Variants in SH3GL2 observed in about 807,000 individuals in gnomAD.
SH3GL2 encodes endophilin-A1.
In SH3GL2, 24 loss-of-function variants were observed where a neutral mutation model predicts 46.0. That is an observed-to-expected ratio of 0.52 (90% CI 0.38 to 0.73). The LOEUF is 0.73. Ranked by LOEUF, SH3GL2 falls within the 30% of genes least tolerant of loss-of-function variation. The pLI, the probability that SH3GL2 is intolerant of heterozygous loss-of-function variation, is 0.00. For missense variants in SH3GL2, 413 were observed against 424.2 expected, an observed-to-expected ratio of 0.97 and a Z score of 0.23; for synonymous variants, 196 against 147.1, an observed-to-expected ratio of 1.33 and a Z score of -2.40.
At chr9:17,706,583 C>T (rs748403460) in intron 1 of SH3GL2, among the ~76,000 whole-genome samples, 35 of 152,124 alleles carry the variant, frequency 2.3e-4, no homozygotes, top group Admixed American at 1.3e-3. Context: ...GAATGTTGTA[C>T]GTGTAATCTT....
intron 2 of SH3GL2, among the ~76,000 whole-genome samples, chr9:17,757,937 G>C (rs1450855593): frequency 6.6e-6 from 1 of 152,134 alleles, no homozygotes; most frequent in Non-Finnish European, 1.5e-5. Context: ...GCTTGTCTCT[G>C]GCTGACACAG....
intron 3 of SH3GL2, among the ~76,000 whole-genome samples, chr9:17,763,645 G>C (rs982758768): frequency 1.3e-5 from 2 of 152,178 alleles, no homozygotes; most frequent in African/African-American, 4.8e-5. Context: ...AACTGTGAGG[G>C]AATCAATTCT....
chr9:17,745,660 G>A (rs540440135), intron 1 of SH3GL2, among the ~76,000 whole-genome samples: 1 of 146,492 alleles, frequency 6.8e-6, no homozygotes, highest in East Asian at 1.9e-4. Context: ...GTGAAGGACA[G>A]ATAGAGGGGG....
chr9:17,672,543 T>C (rs1317054383), intron 1 of SH3GL2, among the ~76,000 whole-genome samples: 1 of 152,112 alleles, frequency 6.6e-6, no homozygotes, highest in African/African-American at 2.4e-5. Context: ...AAGCTTTAGT[T>C]TAGTGAATGT....
chr9:17,789,368 T>C (rs1283302335), intron 5 of SH3GL2, 24 bp from the exon 6 acceptor site: 1 of 1,608,870 alleles, frequency 6.2e-7, no homozygotes, highest in Non-Finnish European at 8.5e-7. Flanking sequence ...TTTCAAAGCC[T>C]ATTCCTGCCC....
At chr9:17,632,903 T>A (rs1011549623) in intron 1 of SH3GL2, among the ~76,000 whole-genome samples, 1 of 152,222 alleles carries the variant, frequency 6.6e-6, no homozygotes, top group Non-Finnish European at 1.5e-5. Context: ...ATTGTGGTGT[T>A]TTATTACTTG....
intron 1 of SH3GL2, among the ~76,000 whole-genome samples, chr9:17,650,756 A>T (rs1223944423): frequency 6.6e-6 from 1 of 152,216 alleles, no homozygotes; most frequent in African/African-American, 2.4e-5. Flanking sequence ...AGTCTTTCCT[A>T]TTGTGAACAT....
intron 1 of SH3GL2, among the ~76,000 whole-genome samples, chr9:17,608,081 C>T (rs767749864): frequency 3.7e-4 from 56 of 150,900 alleles, no homozygotes; most frequent in Non-Finnish European, 7.2e-4. Flanking sequence ...TATATATAAA[C>T]AAGTGAGGAA....
At chr9:17,598,317 C>T (rs1818611414) in intron 1 of SH3GL2, among the ~76,000 whole-genome samples, 1 of 152,184 alleles carries the variant, frequency 6.6e-6, no homozygotes, top group African/African-American at 2.4e-5. Context: ...CTTCTCATGT[C>T]TTACTGAAGC....
At chr9:17,711,208 C>T (rs1177731869) in intron 1 of SH3GL2, among the ~76,000 whole-genome samples, 1 of 151,934 alleles carries the variant, frequency 6.6e-6, no homozygotes, top group East Asian at 1.9e-4. Context: ...TTTGTTACCA[C>T]TACTACCATT....
At chr9:17,640,251 T>G (rs74350792) in intron 1 of SH3GL2, among the ~76,000 whole-genome samples, 12,837 of 152,168 alleles carry the variant, frequency 0.084, 699 homozygotes, top group East Asian at 0.19. Flanking sequence ...TCTGCAGTGT[T>G]TCATCATTAA....
At position 17,759,525 on chromosome 9, in the gene SH3GL2, A is replaced by T. The variant is rs148575045; in HGVS notation, c.115-1912A>T. ...GGTCATTAAGAACACACACACTGGA[A>T]CTAGAACTGGGGAAGTTTCTTAACC... On this transcript the variant is annotated intron_variant, in intron 2 of 8. Coordinates refer to ENST00000380607, the MANE Select transcript of SH3GL2 (RefSeq NM_003026.5). Among the ~76,000 whole-genome samples, 16 of 152,276 alleles carry T rather than the reference A, an allele frequency of 1.1e-4. No individual in the cohort carries two copies. In the East Asian group the frequency reaches 3.1e-3, roughly 29 times the overall value.
chr9:17,666,795 A>C (rs1055285525), intron 1 of SH3GL2, among the ~76,000 whole-genome samples: 2 of 152,144 alleles, frequency 1.3e-5, no homozygotes, highest in Non-Finnish European at 2.9e-5. Context: ...TTGCTAGATC[A>C]AAAGGTAAAT....
At chr9:17,628,414 GTGTGTGTGTGTGTGT>G (rs1588186305) in intron 1 of SH3GL2, among the ~76,000 whole-genome samples, 1 of 35,100 alleles carries the variant, frequency 2.8e-5, no homozygotes, top group African/African-American at 7.1e-5. Context: ...TATCTTGGGT[GTGTGTGTGTGTGTGT>G]GTGTGTGTGT....
intron 1 of SH3GL2, among the ~76,000 whole-genome samples, chr9:17,723,429 A>G (rs1275830024): frequency 6.6e-6 from 1 of 152,158 alleles, no homozygotes; most frequent in East Asian, 1.9e-4. Flanking sequence ...ACTTCTTTCT[A>G]AACAAATGAT....
chr9:17,771,867 C>A (rs769928135), intron 3 of SH3GL2, among the ~76,000 whole-genome samples: 1 of 151,586 alleles, frequency 6.6e-6, no homozygotes, highest in Non-Finnish European at 1.5e-5. Flanking sequence ...GTAGCACGAT[C>A]CAGTGCTAGG....
At chr9:17,645,722 G>A (rs2134654217) in intron 1 of SH3GL2, among the ~76,000 whole-genome samples, 1 of 152,240 alleles carries the variant, frequency 6.6e-6, no homozygotes, top group East Asian at 1.9e-4. Context: ...TGGCTCCTAG[G>A]GTTTCTGCTG....
Position 17,624,298 on chromosome 9 carries a change from C to T in SH3GL2, c.45+45011C>T, listed in dbSNP as rs886599811. Among the ~76,000 whole-genome samples the T allele has an allele frequency of 3.3e-5, 5 of 152,264 alleles. No individual in the cohort carries two copies. In the South Asian group the frequency reaches 8.3e-4, roughly 25 times the overall value. On this transcript the variant is annotated intron_variant, in intron 1 of 8. Transcript: ENST00000380607. ...TTCCTGATTATATAATTATTGTTTT[C>T]TCTTTCTTCCCTTGCAATAAGTGGT...
At chr9:17,714,107 C>T (rs1172492281) in intron 1 of SH3GL2, among the ~76,000 whole-genome samples, 1 of 151,500 alleles carries the variant, frequency 6.6e-6, no homozygotes, top group Non-Finnish European at 1.5e-5. Flanking sequence ...TTAATTGAGC[C>T]CTTTATTAGT....
Sources: allele counts gnomAD v4.1 joint callset (sites outside exome capture counted in the v4.1 genomes callset), GRCh38; gene constraint gnomAD v4.1.1; transcripts MANE v1.5; gene names NCBI Gene and HGNC (gene_info 2026-07-23, HGNC 2026-07-21).